NEGR1: variants seen among roughly 807,000 people sequenced by gnomAD.
NEGR1 encodes neuronal growth regulator 1.
A neutral mutation model predicts 40.9 loss-of-function variants in NEGR1; 10 were observed. The ratio of observed to expected loss-of-function variants is 0.24; its 90% CI spans 0.15 to 0.42. NEGR1 has a LOEUF of 0.42. Among genes scored for constraint, NEGR1 ranks in the 10% least tolerant of loss-of-function variants. NEGR1 has a pLI of 1.00. For synonymous variants in NEGR1, 185 were observed against 166.8 expected, an observed-to-expected ratio of 1.11 and a Z score of -0.84; for missense variants, 352 against 438.9, an observed-to-expected ratio of 0.80 and a Z score of 1.77.
chr1:72,225,986 T>C (rs1282269857), intron 1 of NEGR1, among the ~76,000 whole-genome samples: 1 of 151,852 alleles, frequency 6.6e-6, no homozygotes, highest in African/African-American at 2.4e-5. Flanking sequence ...GGAAAAAGTA[T>C]GTCGTAGACA....
At chr1:71,875,684 T>C (rs1052414780) in intron 2 of NEGR1, among the ~76,000 whole-genome samples, 1 of 152,188 alleles carries the variant, frequency 6.6e-6, no homozygotes, top group East Asian at 1.9e-4. Context: ...GTTTCAGTCC[T>C]GGTTTTAGAT....
chr1:71,941,947 T>A (rs1645963183), intron 1 of NEGR1, among the ~76,000 whole-genome samples: 1 of 151,990 alleles, frequency 6.6e-6, no homozygotes, highest in Non-Finnish European at 1.5e-5. Flanking sequence ...TTGTATTATA[T>A]GAGAAAAACT....
rs1020882512 is a variant in NEGR1, at chr1:71,838,666, G to T, written c.410-62369C>A. ...TCAGAGTAGTCTTGAACTCTACTCT[G>T]TTAAACATCTTCATAAATGATATGC... On this transcript the variant is annotated intron_variant, in intron 2 of 6. Coordinates refer to ENST00000357731, the MANE Select transcript of NEGR1 (RefSeq NM_173808.3). 5.9e-5 allele frequency among the ~76,000 whole-genome samples: 9 copies of T among 152,112 alleles called. No homozygotes were observed. The East Asian group carries it at 1.7e-3, about 29-fold the overall frequency.
intron 1 of NEGR1, among the ~76,000 whole-genome samples, chr1:72,067,356 G>C (rs934607872): frequency 7.9e-5 from 12 of 152,000 alleles, no homozygotes; most frequent in African/African-American, 2.9e-4. Flanking sequence ...AGAGTGAACT[G>C]AATTTTGATT....
chr1:71,942,027 T>C (rs1054100530), intron 1 of NEGR1, among the ~76,000 whole-genome samples: 1 of 151,920 alleles, frequency 6.6e-6, no homozygotes, highest in Non-Finnish European at 1.5e-5. Flanking sequence ...ACATGTACAT[T>C]TATTTTCAAA....
chr1:71,922,103 G>A (rs1300380521), intron 2 of NEGR1, among the ~76,000 whole-genome samples: 3 of 152,168 alleles, frequency 2.0e-5, no homozygotes, highest in Non-Finnish European at 4.4e-5. Flanking sequence ...GGTCAGGACT[G>A]TTCAATAGCA....
rs570039976 is a variant in NEGR1 at position 72,097,637 on chromosome 1, C to T, written c.177-162326G>A. On this transcript the variant is annotated intron_variant, in intron 1 of 6. Coordinates refer to ENST00000357731, the MANE Select transcript of NEGR1 (RefSeq NM_173808.3). ...TGTTTTCTTCTGCCCCCATGCCTTC[C>T]CATTTCATGCTTCGCAAAAGATTCA... Among the ~76,000 whole-genome samples, 249 of 152,288 alleles carry T rather than the reference C, an allele frequency of 1.6e-3. 2 individuals are homozygous for T. The highest frequency in any genetic ancestry group is 5.8e-3 in the African/African-American group (243 of 41,556).
chr1:72,194,416 T>G (rs1424647553), intron 1 of NEGR1, among the ~76,000 whole-genome samples: 1 of 151,980 alleles, frequency 6.6e-6, no homozygotes. Flanking sequence ...AACATTTTTA[T>G]CAGGAAGTAA....
chr1:71,713,981 A>G (rs1259503085), intron 3 of NEGR1, among the ~76,000 whole-genome samples: 1 of 152,170 alleles, frequency 6.6e-6, no homozygotes, highest in Non-Finnish European at 1.5e-5. Context: ...TCTTTGAAAA[A>G]AGGAAACAGT....
chr1:71,414,161 C>T (rs530658599), intron 6 of NEGR1, among the ~76,000 whole-genome samples: 6 of 152,090 alleles, frequency 3.9e-5, no homozygotes, highest in Non-Finnish European at 8.8e-5. Context: ...ACGTTTCAAG[C>T]ACAAGAGGGT....
chr1:71,792,017 T>C (rs2101736401), intron 2 of NEGR1, among the ~76,000 whole-genome samples: 1 of 152,196 alleles, frequency 6.6e-6, no homozygotes, highest in East Asian at 1.9e-4. Context: ...AGAAACAAGA[T>C]TAAAATGTTA....
chr1:71,592,731 C>A lies in NEGR1; in HGVS notation c.940+86G>T, dbSNP rs746276816. ...ACATCAGGTTGAGTTTTAAAATGAACGTACTCCATTCTTAGGTTTTATCTC... is the reference window on the plus strand; with the variant it reads ...ACATCAGGTTGAGTTTTAAAATGAAAGTACTCCATTCTTAGGTTTTATCTC... On this transcript the variant is annotated intron_variant, in intron 6 of 6. Transcript: ENST00000357731. 1.2e-5 allele frequency: 12 copies of A among 1,025,978 alleles called. No homozygotes were observed. The East Asian group carries it at 2.9e-4, about 25-fold the overall frequency. 63.6% of individuals were successfully genotyped at this position (1,025,978 alleles called of 1,614,324 possible).
At chr1:72,199,301 T>C (rs147174040) in intron 1 of NEGR1, among the ~76,000 whole-genome samples, 1 of 152,174 alleles carries the variant, frequency 6.6e-6, no homozygotes, top group African/African-American at 2.4e-5. Flanking sequence ...CCAGGTACTA[T>C]TTATATGCTT....
At chr1:72,077,994 T>C (rs1647823150) in intron 1 of NEGR1, among the ~76,000 whole-genome samples, 1 of 152,186 alleles carries the variant, frequency 6.6e-6, no homozygotes, top group South Asian at 2.1e-4. Context: ...AGTGGAAATA[T>C]GGAACGATGA....
At chr1:71,587,377 A>C (rs1488273495) in intron 6 of NEGR1, among the ~76,000 whole-genome samples, 1 of 152,142 alleles carries the variant, frequency 6.6e-6, no homozygotes, top group Non-Finnish European at 1.5e-5. Flanking sequence ...CCTTTTGGAT[A>C]CTAGCTACTG....
chr1:72,056,531 G>T (rs1647112506), intron 1 of NEGR1, among the ~76,000 whole-genome samples: 1 of 151,272 alleles, frequency 6.6e-6, no homozygotes. Context: ...TATCTAGTAA[G>T]TAAAGTTCTT....
At chr1:71,886,383 A>G (rs1660722994) in intron 2 of NEGR1, among the ~76,000 whole-genome samples, 1 of 151,990 alleles carries the variant, frequency 6.6e-6, no homozygotes, top group South Asian at 2.1e-4. Context: ...ATTCCATGAG[A>G]ATGGTAATAG....
chr1:71,930,549 T>G, intron 2 of NEGR1, among the ~76,000 whole-genome samples: 1 of 152,202 alleles, frequency 6.6e-6, no homozygotes, highest in South Asian at 2.1e-4. Context: ...TGAATACTCC[T>G]CCATAAGCCA....
chr1:72,041,260 T>C (rs1055545856), intron 1 of NEGR1, among the ~76,000 whole-genome samples: 1 of 152,072 alleles, frequency 6.6e-6, no homozygotes, highest in African/African-American at 2.4e-5. Flanking sequence ...TTCCATTTCT[T>C]CAGGTCCTCT....
Sources: allele counts gnomAD v4.1 joint callset (sites outside exome capture counted in the v4.1 genomes callset), GRCh38; gene constraint gnomAD v4.1.1; transcripts MANE v1.5; gene names NCBI Gene and HGNC (gene_info 2026-07-23, HGNC 2026-07-21).